NFKB1: variants seen among roughly 807,000 people sequenced by gnomAD.
NFKB1 encodes nuclear factor kappa B subunit 1, also known as nuclear factor NF-kappa-B p105 subunit.
NFKB1 carries 9 observed loss-of-function variants against 105.1 expected under a neutral mutation model. The ratio of observed to expected loss-of-function variants is 0.09; its 90% CI spans 0.05 to 0.15. The LOEUF (loss-of-function observed/expected upper bound fraction) is 0.15, where lower values mean the gene tolerates loss of function less well. Among genes scored for constraint, NFKB1 ranks in the 10% least tolerant of loss-of-function variants. The probability of loss-of-function intolerance (pLI) is 1.00; values close to 1 mark genes in which losing one functional copy is unlikely to be tolerated. For missense variants in NFKB1, 830 were observed against 1,203.7 expected (o/e 0.69, Z 4.59); for synonymous variants, 440 against 442.2 (o/e 1.00, Z 0.06).
At chr4:102,594,260 T>G (rs1578806509) in intron 12 of NFKB1, among the ~76,000 whole-genome samples, 2 of 152,198 alleles carry the variant, frequency 1.3e-5, no homozygotes, top group African/African-American at 4.8e-5. Flanking sequence ...GAACAAACCA[T>G]AGTATAACTT....
intron 5 of NFKB1, among the ~76,000 whole-genome samples, chr4:102,544,190 A>G (rs772144240): frequency 1.3e-5 from 2 of 151,892 alleles, no homozygotes; most frequent in Non-Finnish European, 2.9e-5. Flanking sequence ...AACATGGTTA[A>G]GAATCATGCT....
At chr4:102,547,919 G>A (rs900396896) in intron 5 of NFKB1, among the ~76,000 whole-genome samples, 7 of 152,102 alleles carry the variant, frequency 4.6e-5, no homozygotes, top group African/African-American at 9.7e-5. Context: ...AAATCTCATA[G>A]GTAGGATACC....
At chr4:102,579,594 G>A (rs1725151722) in intron 8 of NFKB1, among the ~76,000 whole-genome samples, 1 of 148,394 alleles carries the variant, frequency 6.7e-6, no homozygotes, top group African/African-American at 2.5e-5. Context: ...GGGAGGATAT[G>A]GAGTTTCAGC....
In NFKB1 at chr4:102,552,717, C is replaced by A. The variant is rs183211805; in HGVS notation, c.259-14270C>A. ...TAGAATGTATAACTTACTTCATATACTTTGTGTTTAGTCAGTTTATACAGG... is the reference window on the plus strand; with the variant it reads ...TAGAATGTATAACTTACTTCATATAATTTGTGTTTAGTCAGTTTATACAGG... On this transcript the variant is annotated intron_variant, in intron 5 of 23. Coordinates refer to ENST00000226574, the MANE Select transcript of NFKB1 (RefSeq NM_003998.4). Among the ~76,000 whole-genome samples, 411 of 152,236 alleles carry A rather than the reference C, an allele frequency of 2.7e-3. 3 individuals are homozygous for A. Among genetic ancestry groups the A allele is most frequent in the Non-Finnish European group, 4.2e-3 (288 of 68,008 alleles).
chr4:102,571,951 A>G (rs1367623765), intron 6 of NFKB1, among the ~76,000 whole-genome samples: 1 of 152,224 alleles, frequency 6.6e-6, no homozygotes, highest in Non-Finnish European at 1.5e-5. Flanking sequence ...CTAGAACTAG[A>G]AATGCCATTT....
intron 1 of NFKB1, among the ~76,000 whole-genome samples, chr4:102,509,798 C>T (rs1173188237): frequency 6.6e-6 from 1 of 152,118 alleles, no homozygotes. Flanking sequence ...CTCCAGAATC[C>T]ATCCCTTCCT....
At chr4:102,577,338 CT>C (rs1438055821) in intron 7 of NFKB1, among the ~76,000 whole-genome samples, 1 of 152,160 alleles carries the variant, frequency 6.6e-6, no homozygotes. Context: ...ATATTTATAC[CT>C]TTGTATGTGT....
chr4:102,568,302 C>G (rs756804116), intron 6 of NFKB1, among the ~76,000 whole-genome samples: 6 of 152,002 alleles, frequency 3.9e-5, no homozygotes, highest in Non-Finnish European at 7.4e-5. Flanking sequence ...AAAAAAGACT[C>G]TAGATTGAAG....
At chr4:102,525,421 A>G (rs1324679758) in intron 1 of NFKB1, 91 bp from the exon 2 acceptor site, 6 of 1,231,302 alleles carry the variant, frequency 4.9e-6, no homozygotes, top group Non-Finnish European at 5.9e-6. Flanking sequence ...CTGGTATAAT[A>G]CAGTTTATTC....
At chr4:102,564,433 G>A (rs142871707) in intron 5 of NFKB1, among the ~76,000 whole-genome samples, 95 of 152,252 alleles carry the variant, frequency 6.2e-4, no homozygotes, top group Non-Finnish European at 1.0e-3. Flanking sequence ...TCTTTCATCA[G>A]TATTTTGGAA....
chr4:102,570,349 T>C (rs1440802795), intron 6 of NFKB1, among the ~76,000 whole-genome samples: 1 of 152,198 alleles, frequency 6.6e-6, no homozygotes, highest in Non-Finnish European at 1.5e-5. Flanking sequence ...CTAAGGACAG[T>C]GGCCTCTAGC....
intron 1 of NFKB1, among the ~76,000 whole-genome samples, chr4:102,502,372 C>CTGTG: frequency 9.5e-6 from 1 of 105,606 alleles, no homozygotes. Flanking sequence ...CTCCCCCCCT[C>CTGTG]CGTGCGCGCG....
chr4:102,536,614 G>A (rs965971948), intron 4 of NFKB1, among the ~76,000 whole-genome samples: 1 of 152,076 alleles, frequency 6.6e-6, no homozygotes, highest in African/African-American at 2.4e-5. Context: ...TAGTGCATAC[G>A]TTTTACATTT....
chr4:102,548,922 A>G (rs1012018567), intron 5 of NFKB1, among the ~76,000 whole-genome samples: 2 of 152,044 alleles, frequency 1.3e-5, no homozygotes, highest in African/African-American at 4.8e-5. Context: ...CAACGACCCC[A>G]TTTCCAGATA....
intron 1 of NFKB1, among the ~76,000 whole-genome samples, chr4:102,515,078 C>T (rs1025397193): frequency 1.3e-5 from 2 of 149,018 alleles, no homozygotes; most frequent in African/African-American, 4.9e-5. Flanking sequence ...GAGTTCAGTC[C>T]AGTTCCATGT....
At chr4:102,556,162 G>C (rs1722974719) in intron 5 of NFKB1, among the ~76,000 whole-genome samples, 1 of 152,178 alleles carries the variant, frequency 6.6e-6, no homozygotes, top group South Asian at 2.1e-4. Context: ...GGCAGCATTT[G>C]TATTTCCATT....
intron 1 of NFKB1, among the ~76,000 whole-genome samples, chr4:102,508,679 T>C (rs774258817): frequency 6.6e-6 from 1 of 152,208 alleles, no homozygotes; most frequent in Non-Finnish European, 1.5e-5. Context: ...TGCTAATACA[T>C]GATAAGGTGA....
At chr4:102,549,478 A>G (rs1483065518) in intron 5 of NFKB1, among the ~76,000 whole-genome samples, 2 of 149,734 alleles carry the variant, frequency 1.3e-5, no homozygotes, top group East Asian at 1.9e-4. Flanking sequence ...TATTGAATTT[A>G]TATATATATA....
chr4:102,592,574 T>C (rs191400912), intron 11 of NFKB1, among the ~76,000 whole-genome samples: 2 of 152,296 alleles, frequency 1.3e-5, no homozygotes, highest in Admixed American at 6.5e-5. Context: ...GTACATTGCT[T>C]TTTAAGACAT....
Sources: gnomAD v4.1 joint callset for allele counts (sites outside exome capture counted in the v4.1 genomes callset) on GRCh38, gnomAD v4.1.1 for gene constraint, MANE v1.5 for transcripts, NCBI Gene and HGNC (gene_info 2026-07-23, HGNC 2026-07-21) for gene names.